CNOT4: variants seen among roughly 807,000 people sequenced by gnomAD.
CNOT4 encodes CCR4-NOT transcription complex subunit 4, also known as CCR4-associated factor 4.
CNOT4 carries 8 observed loss-of-function variants against 73.8 expected under a neutral mutation model. That is an observed-to-expected ratio of 0.11 (90% CI 0.06 to 0.20). The LOEUF (loss-of-function observed/expected upper bound fraction) is 0.20, where lower values mean the gene tolerates loss of function less well. Ranked by LOEUF, CNOT4 falls within the 10% of genes least tolerant of loss-of-function variation. CNOT4 has a pLI of 1.00. For missense variants in CNOT4, 564 were observed against 883.4 expected, an observed-to-expected ratio of 0.64 and a Z score of 4.58; for synonymous variants, 293 against 321.1, an observed-to-expected ratio of 0.91 and a Z score of 0.94.
rs535582576 is a variant in CNOT4 at position 135,399,884 on chromosome 7, G to A, written c.822-1658C>T. On this transcript the variant is annotated intron_variant, in intron 7 of 11. Transcript: ENST00000541284. ...AAAGATATAGACCTGAGCCCACTAA[G>A]TTTAGAAGTATTTGGGGGAAAGAAG... Among the ~76,000 whole-genome samples the A allele has an allele frequency of 9.9e-4, 150 of 152,204 alleles. 1 individual carries two copies. The highest frequency in any genetic ancestry group is 3.4e-3 in the African/African-American group (143 of 41,566).
At chr7:135,473,098 A>G (rs1438349781) in intron 1 of CNOT4, among the ~76,000 whole-genome samples, 3 of 152,150 alleles carry the variant, frequency 2.0e-5, no homozygotes, top group Non-Finnish European at 4.4e-5. Context: ...TGATTCACGT[A>G]CCTTAGAATG....
At chr7:135,491,946 CAT>C (rs1342253513) in intron 1 of CNOT4, among the ~76,000 whole-genome samples, 1 of 152,136 alleles carries the variant, frequency 6.6e-6, no homozygotes, top group Non-Finnish European at 1.5e-5. Flanking sequence ...TATATAGAAA[CAT>C]AGAGAGTAAA....
chr7:135,487,547 C>T (rs191332587), intron 1 of CNOT4, among the ~76,000 whole-genome samples: 107 of 152,118 alleles, frequency 7.0e-4, no homozygotes, highest in Admixed American at 2.2e-3. Context: ...GTCTAATTTT[C>T]CGTACCTAAG....
At chr7:135,429,334 C>CA (rs1260803667) in intron 2 of CNOT4, among the ~76,000 whole-genome samples, 4 of 152,074 alleles carry the variant, frequency 2.6e-5, no homozygotes, top group African/African-American at 9.7e-5. Context: ...TGCTTCTAGT[C>CA]AATTGGTTCT....
intron 1 of CNOT4, among the ~76,000 whole-genome samples, chr7:135,466,842 T>C (rs893233444): frequency 6.6e-6 from 1 of 152,240 alleles, no homozygotes; most frequent in African/African-American, 2.4e-5. Flanking sequence ...CCATACAGGT[T>C]TGTAGCCTAG....
chr7:135,493,981 C>CA (rs1048843972), intron 1 of CNOT4, among the ~76,000 whole-genome samples: 3 of 141,120 alleles, frequency 2.1e-5, no homozygotes, highest in Non-Finnish European at 3.0e-5. Context: ...AGTATTGTAT[C>CA]AAAAAAAAGA....
chr7:135,390,271 C>T (rs558901493), intron 10 of CNOT4, among the ~76,000 whole-genome samples: 5 of 152,248 alleles, frequency 3.3e-5, no homozygotes, highest in Non-Finnish European at 7.4e-5. Context: ...AATTTGAGAT[C>T]TAAGTTCTTA....
At chr7:135,387,784 T>C (rs543936895) in intron 10 of CNOT4, 33 of 980,146 alleles carry the variant, frequency 3.4e-5, no homozygotes, top group Admixed American at 1.8e-4. Flanking sequence ...TCACATTATG[T>C]CCTAATAAAG....
intron 1 of CNOT4, among the ~76,000 whole-genome samples, chr7:135,467,757 T>C (rs1801311973): frequency 1.3e-5 from 2 of 151,876 alleles, no homozygotes; most frequent in Non-Finnish European, 1.5e-5. Flanking sequence ...CTGGAAAATA[T>C]GAATATCTGA....
intron 8 of CNOT4, among the ~76,000 whole-genome samples, chr7:135,397,798 AG>A (rs1441354730): frequency 1.3e-5 from 2 of 152,164 alleles, no homozygotes; most frequent in Admixed American, 1.3e-4. Context: ...TGACTGAAAT[AG>A]AAAATTAAAG....
chr7:135,366,815 A>G (rs567951308), intron 10 of CNOT4, among the ~76,000 whole-genome samples: 1 of 152,146 alleles, frequency 6.6e-6, no homozygotes, highest in African/African-American at 2.4e-5. Context: ...GGCACAAAGA[A>G]AAGGTGAGAG....
intron 1 of CNOT4, among the ~76,000 whole-genome samples, chr7:135,462,578 T>A (rs974100558): frequency 6.6e-6 from 1 of 152,244 alleles, no homozygotes. Flanking sequence ...TTCCTTATAC[T>A]TTTGTCCATT....
At chr7:135,488,295 C>T (rs1372626872) in intron 1 of CNOT4, among the ~76,000 whole-genome samples, 1 of 152,132 alleles carries the variant, frequency 6.6e-6, no homozygotes, top group African/African-American at 2.4e-5. Context: ...CTGAGTGGTA[C>T]GACTGGTACT....
At chr7:135,396,331 A>G (rs1033876321) in intron 8 of CNOT4, among the ~76,000 whole-genome samples, 4 of 151,748 alleles carry the variant, frequency 2.6e-5, no homozygotes, top group Admixed American at 2.6e-4. Context: ...ATTATCCAGG[A>G]TGGTCTCGAT....
At chr7:135,399,924 A>G (rs192824829) in intron 7 of CNOT4, among the ~76,000 whole-genome samples, 1 of 152,262 alleles carries the variant, frequency 6.6e-6, no homozygotes, top group East Asian at 1.9e-4. Flanking sequence ...GTGCACAAAT[A>G]AGGTAAGTAC....
chr7:135,486,280 G>A (rs905984958), intron 1 of CNOT4, among the ~76,000 whole-genome samples: 16 of 152,092 alleles, frequency 1.1e-4, no homozygotes, highest in Non-Finnish European at 1.9e-4. Context: ...AAGGAATTAC[G>A]AAAGGCCAAT....
At chr7:135,405,891 T>C (rs1797255920) in intron 7 of CNOT4, among the ~76,000 whole-genome samples, 1 of 152,212 alleles carries the variant, frequency 6.6e-6, no homozygotes, top group African/African-American at 2.4e-5. Flanking sequence ...TTCCAGGCTT[T>C]GCTTTCTTGC....
chr7:135,393,887 A>C (rs1440683726), intron 10 of CNOT4, 31 bp downstream of exon 10: 2 of 1,526,068 alleles, frequency 1.3e-6, no homozygotes, highest in Non-Finnish European at 1.8e-6. Context: ...TGAGTTATTC[A>C]AAAATTCTCA....
chr7:135,395,554 T>A, intron 9 of CNOT4, 80 bp downstream of exon 9: 2 of 1,414,896 alleles, frequency 1.4e-6, no homozygotes, highest in Non-Finnish European at 1.9e-6. Context: ...TAAAAATATA[T>A]CCACTAATGA....
Sources: allele counts gnomAD v4.1 joint callset (sites outside exome capture counted in the v4.1 genomes callset), GRCh38; gene constraint gnomAD v4.1.1; transcripts MANE v1.5; gene names NCBI Gene and HGNC (gene_info 2026-07-23, HGNC 2026-07-21).